The following TP53TG5 variants were observed in gnomAD, a reference collection of about 807,000 sequenced individuals.
TP53TG5 encodes TP53-target gene 5 protein.
Under a neutral mutation model 30.0 loss-of-function variants are expected in TP53TG5, and 17 were observed. That is an observed-to-expected ratio of 0.57 (90% CI 0.39 to 0.85). The LOEUF is 0.85. Among genes scored for constraint, TP53TG5 ranks in the 40% least tolerant of loss-of-function variants. TP53TG5 has a pLI of 0.00. For missense variants in TP53TG5, 338 were observed against 367.9 expected (o/e 0.92, Z 0.67); for synonymous variants, 137 against 139.2 (o/e 0.98, Z 0.11).
At position 45,377,566 on chromosome 20, in the gene TP53TG5, T is replaced by C; in HGVS notation, c.96A>G (p.Lys32=). 1 of 1,614,122 alleles carries C rather than the reference T, an allele frequency of 6.2e-7. No homozygotes were observed. Among genetic ancestry groups the C allele is most frequent in the Non-Finnish European group, 8.5e-7 (1 of 1,180,006 alleles). The change falls in exon 2 of 5, where the codon AAA becomes AAG. Residue 32 remains lysine, a synonymous_variant. Coordinates refer to ENST00000372726, the MANE Select transcript of TP53TG5 (RefSeq NM_014477.3). ...TTCTCAGACGGTTCCGCTCAATTAC[T>C]TTGCTCACAGGCTGCTCTGTCTCGT... is the stretch of plus-strand genomic sequence containing the variant. The part of the protein sequence containing the change: ...LRDETEQPVS[K]VIERNRLRTV...
chr20:45,375,014 C>T, intron 4 of TP53TG5, 25 bp downstream of exon 4: 4 of 1,600,234 alleles, frequency 2.5e-6, no homozygotes, highest in Non-Finnish European at 2.6e-6. Flanking sequence ...CTCACCTAGC[C>T]TGGCAGTGTT....
intron 3 of TP53TG5, 152 bp downstream of exon 3, chr20:45,377,060 C>T: frequency 1.0e-6 from 1 of 982,794 alleles, no homozygotes; most frequent in Non-Finnish European, 1.5e-6. Context: ...ACCTCTTCAG[C>T]CTCAGCTCTC....
intron 1 of TP53TG5, 23 bp from the exon 2 acceptor site, chr20:45,377,636 G>A: frequency 6.2e-7 from 1 of 1,610,998 alleles, no homozygotes; most frequent in Non-Finnish European, 8.5e-7. Flanking sequence ...GGATAAGAGA[G>A]ACATAAACCC....
chr20:45,378,227 A>T lies in TP53TG5; in HGVS notation c.10T>A (p.Ser4Thr). 6.2e-7 allele frequency: 1 copy of T among 1,614,090 alleles called. No homozygotes were observed. The highest frequency in any genetic ancestry group is 8.5e-7 in the Non-Finnish European group (1 of 1,179,996). Residue 4 changes from serine (S) to threonine (T), a missense_variant, in exon 1 of 5, where the codon TCA (serine) becomes ACA (threonine). By Grantham distance (58) the Ser-to-Thr change is moderately conservative. Coordinates refer to ENST00000372726, the MANE Select transcript of TP53TG5 (RefSeq NM_014477.3). MSPSAKKRPKNSRV... is the reference protein window; with the variant it reads MSPTAKKRPKNSRV... ...CTGTTCTTGGGCCTCTTCTTTGCTG[A>T]TGGACTCATGCTGGGGCTGTGAGAC...
Position 45,375,142 on chromosome 20 carries a change from G to C in TP53TG5, c.665C>G (p.Ala222Gly), listed in dbSNP as rs369818892. 1 of 1,614,144 alleles carries C rather than the reference G, an allele frequency of 6.2e-7. No individual in the cohort carries two copies. The highest frequency in any genetic ancestry group is 1.1e-5 in the South Asian group (1 of 91,088). The change falls in exon 4 of 5, where the codon GCG becomes GGG. Residue 222 changes from alanine to glycine, a missense_variant. Physicochemically the swap from Ala to Gly is moderately conservative, Grantham distance 60. Transcript: ENST00000372726. The part of the protein sequence containing the change: ...EGLPTRIHLP[A>G]PRVMCRSSTL... Reference sequence around the variant, plus strand: ...GGAGGATCTGCACATCACCCTGGGCGCCGGGAGGTGGATTCGTGTGGGCAG... The same window carrying C: ...GGAGGATCTGCACATCACCCTGGGCCCCGGGAGGTGGATTCGTGTGGGCAG...
chr20:45,372,853 C>T lies in TP53TG5; in HGVS notation c.*1054G>A, dbSNP rs1373961072. On this transcript the variant is annotated 3_prime_UTR_variant, in exon 5 of 5. Transcript: ENST00000372726. ...AGCAGTCCCCGCGCTGTGGCTCCGC[C>T]CAGGCTGGTCCGCGCGGCAGCTGAT... 1.4e-5 allele frequency: 2 copies of T among 144,962 alleles called. No individual in the cohort carries two copies. The highest frequency in any genetic ancestry group is 2.5e-5 in the African/African-American group (1 of 39,618). 9.0% of individuals were successfully genotyped at this position (144,962 alleles called of 1,614,324 possible).
intron 4 of TP53TG5, 132 bp downstream of exon 4, chr20:45,374,907 G>A (rs1306262239): frequency 1.3e-5 from 17 of 1,274,764 alleles, no homozygotes; most frequent in South Asian, 4.3e-5. Flanking sequence ...ACATGAAGGC[G>A]GAGCCTCCCA....
rs2145370675 is a variant in TP53TG5 at position 45,377,298 on chromosome 20, G to C, written c.168C>G (p.Asn56Lys). 1 of 1,614,182 alleles carries C rather than the reference G, an allele frequency of 6.2e-7. No homozygotes were observed. The highest frequency in any genetic ancestry group is 1.1e-5 in the South Asian group (1 of 91,076). Residue 56 changes from asparagine to lysine, a missense_variant, in exon 3 of 5, where the codon AAC becomes AAG. Physicochemically the swap from Asn to Lys is moderately conservative, Grantham distance 94 (BLOSUM62 0). Transcript: ENST00000372726. ...GCTTATGCAGTTCTTGGATCCGGCG[G>C]TTTGAGCTCTTGAGTAGCTTCAAGA... The part of the protein sequence containing the change: ...LSLLKLLKSS[N>K]RRIQELHKLA...
chr20:45,377,292 C>T lies in TP53TG5; in HGVS notation c.174G>A (p.Arg58=). ...LLKLLKSSNR[R]IQELHKLAKR... is the part of the protein sequence containing the mutation. ...TGGCCAGCTTATGCAGTTCTTGGAT[C>T]CGGCGGTTTGAGCTCTTGAGTAGCT... Residue 58 remains arginine (R), a synonymous_variant, in exon 3 of 5, where the codon CGG becomes CGA. Coordinates refer to ENST00000372726, the MANE Select transcript of TP53TG5 (RefSeq NM_014477.3). 1 of 1,614,170 alleles carries T rather than the reference C, an allele frequency of 6.2e-7. No individual in the cohort carries two copies. The highest frequency in any genetic ancestry group is 1.1e-5 in the South Asian group (1 of 91,082).
At position 45,373,783 on chromosome 20, in the gene TP53TG5, G is replaced by T; in HGVS notation, c.*124C>A. 2.3e-6 allele frequency: 2 copies of T among 884,092 alleles called. No homozygotes were observed. Among genetic ancestry groups the T allele is most frequent in the Non-Finnish European group, 3.6e-6 (2 of 554,682 alleles). The allele number at this position is 884,092 out of a possible 1,614,324, so 54.8% of individuals were successfully genotyped here. On this transcript the variant is annotated 3_prime_UTR_variant, in exon 5 of 5. Coordinates refer to ENST00000372726, the MANE Select transcript of TP53TG5 (RefSeq NM_014477.3). The stretch of plus-strand genomic sequence containing the variant: ...TGACCTTAGGGGCCTCGGGGTGGGG[G>T]TGGGGGAAGCCTGAAGTCGCGACAC...
At chr20:45,374,684 C>T in intron 4 of TP53TG5, 1 of 427,224 alleles carries the variant, frequency 2.3e-6, no homozygotes, top group Non-Finnish European at 4.1e-6. Context: ...TCTCCCCCCT[C>T]CCACATTTGG....
chr20:45,375,534 A>G lies in TP53TG5; in HGVS notation c.273T>C (p.Asn91=), dbSNP rs749845512. 6 of 1,608,466 alleles carry G rather than the reference A, an allele frequency of 3.7e-6. No homozygotes were observed. The African/African-American group carries it at 8.1e-5, about 22-fold the overall frequency. Residue 91 remains asparagine, a synonymous_variant, in exon 4 of 5, where the codon AAT becomes AAC. Coordinates refer to ENST00000372726, the MANE Select transcript of TP53TG5 (RefSeq NM_014477.3). ...ACTCTTCATTATTTTGTTTTGTTTTATTGCAGGCACTGTTTTCCCTGGCAG... is the reference window on the plus strand; with the variant it reads ...ACTCTTCATTATTTTGTTTTGTTTTGTTGCAGGCACTGTTTTCCCTGGCAG... ...RISSGENSAC[N]KTKQNNEEFQ...
chr20:45,374,128 T>C (rs558064057), intron 4 of TP53TG5, 117 bp from the exon 5 acceptor site: 134 of 928,640 alleles, frequency 1.4e-4, no homozygotes, highest in East Asian at 1.4e-3. Flanking sequence ...GAAATGCCTT[T>C]GCTAAAAAGG....
At chr20:45,377,668 T>A (rs1988774132) in intron 1 of TP53TG5, 55 bp from the exon 2 acceptor site, 1 of 1,563,632 alleles carries the variant, frequency 6.4e-7, no homozygotes, top group Non-Finnish European at 8.8e-7. Flanking sequence ...CCAGGTGTGG[T>A]GCCTCATGTC....
At position 45,377,532 on chromosome 20, in the gene TP53TG5, G is replaced by T. The variant is rs373642512; in HGVS notation, c.123+7C>A. 6 of 1,613,774 alleles carry T rather than the reference G, an allele frequency of 3.7e-6. No homozygotes were observed. In the African/African-American group the frequency reaches 6.7e-5, roughly 18 times the overall value. ...CCCCAAGCTGGGGCCAAAACAGGGC[G>T]TCTCACCGTTCTCAGACGGTTCCGC... On this transcript the variant is annotated splice_region_variant and intron_variant, in intron 2 of 4. Coordinates refer to ENST00000372726, the MANE Select transcript of TP53TG5 (RefSeq NM_014477.3).
intron 4 of TP53TG5, chr20:45,374,226 T>C (rs1327197940): frequency 2.0e-5 from 14 of 685,760 alleles, no homozygotes; most frequent in Non-Finnish European, 3.2e-5. Flanking sequence ...GCTGCGGTAT[T>C]TTCTTCTTTT....
intron 1 of TP53TG5, 77 bp from the exon 2 acceptor site, chr20:45,377,690 C>T: frequency 1.4e-6 from 2 of 1,458,006 alleles, no homozygotes; most frequent in African/African-American, 1.4e-5. Flanking sequence ...GTAATCCCAG[C>T]ACTTTGGGAG....
rs765114936 is a variant in TP53TG5 at position 45,375,434 on chromosome 20, C to CT, written c.372dup (p.Glu125ArgfsTer34). 1.2e-6 allele frequency: 2 copies of CT among 1,614,122 alleles called. No homozygotes were observed. The highest frequency in any genetic ancestry group is 2.2e-5 in the South Asian group (2 of 91,086). On this transcript the variant is annotated frameshift_variant, in exon 4 of 5. Coordinates refer to ENST00000372726, the MANE Select transcript of TP53TG5 (RefSeq NM_014477.3). LOFTEE classifies it high-confidence loss of function. ...ACCTGGGACTTCCACTCCTTGTACT[C>CT]TTTTTTCTTAGGGTCCCCTGTGGAC...
chr20:45,374,972 G>T lies in TP53TG5; in HGVS notation c.768+67C>A, dbSNP rs774318646. ...CCAGATCCTGAACCCTGACTCTGGG[G>T]CCCAGCTCTGGGCCTGGCTTGGGGC... is the stretch of plus-strand genomic sequence containing the variant. On this transcript the variant is annotated intron_variant, in intron 4 of 4. Coordinates refer to ENST00000372726, the MANE Select transcript of TP53TG5 (RefSeq NM_014477.3). 23 of 1,553,654 alleles carry T rather than the reference G, an allele frequency of 1.5e-5. No homozygotes were observed. In the South Asian group the frequency reaches 2.0e-4, roughly 13 times the overall value.
Sources: gnomAD v4.1 joint callset for allele counts on GRCh38, gnomAD v4.1.1 for gene constraint, MANE v1.5 for transcripts, NCBI Gene and HGNC (gene_info 2026-07-23, HGNC 2026-07-21) for gene names.